The following MFN2 variants were observed in gnomAD, a reference collection of about 807,000 sequenced individuals.
MFN2 encodes mitofusin 2.
A neutral mutation model predicts 87.5 loss-of-function variants in MFN2; 43 were observed. The ratio of observed to expected loss-of-function variants is 0.49; its 90% CI spans 0.38 to 0.63. The LOEUF is 0.63. MFN2 is among the 30% of genes least tolerant of loss of function. MFN2 has a pLI of 0.00. For synonymous variants in MFN2, 337 were observed against 359.9 expected (o/e 0.94, Z 0.72); for missense variants, 743 against 972.8 (o/e 0.76, Z 3.14).
At chr1:12,009,881 C>T (rs532164253) in intron 18 of MFN2, among the ~76,000 whole-genome samples, 155 bp downstream of exon 18, 1 of 152,262 alleles carries the variant, frequency 6.6e-6, no homozygotes, top group South Asian at 2.1e-4. Context: ...GGGCTGGGCA[C>T]GGTGGCTGAC....
chr1:11,989,149 TTAGCTTC>T lies in MFN2; in HGVS notation c.-4-14_-4-8del. ...GTAGGTGTTGCTGGGTTCGCTCACG[TTAGCTTC>T]TCTTGCAGCGCAATGTCCCTGCTCT... On this transcript the variant is annotated splice_polypyrimidine_tract_variant and intron_variant, in intron 2 of 18. Transcript: ENST00000235329. 6.2e-7 allele frequency: 1 copy of T among 1,613,850 alleles called. No homozygotes were observed. The highest frequency in any genetic ancestry group is 8.5e-7 in the Non-Finnish European group (1 of 1,180,006).
At chr1:12,008,422 GACCCCCCCC>G (rs1639525035) in intron 17 of MFN2, among the ~76,000 whole-genome samples, 1 of 69,736 alleles carries the variant, frequency 1.4e-5, no homozygotes, top group Admixed American at 1.1e-4. Context: ...GGCGGGGGCT[GACCCCCCCC>G]ACCTCCCTCC....
intron 6 of MFN2, among the ~76,000 whole-genome samples, chr1:11,998,374 T>C (rs1423374072): frequency 2.0e-5 from 3 of 151,678 alleles, no homozygotes; most frequent in African/African-American, 4.8e-5. Flanking sequence ...GGTGAAACCC[T>C]GTCTCTACTA....
At chr1:12,010,193 T>C (rs1639631151) in intron 18 of MFN2, among the ~76,000 whole-genome samples, 1 of 152,196 alleles carries the variant, frequency 6.6e-6, no homozygotes, top group Admixed American at 6.5e-5. Flanking sequence ...ACGTACCTCA[T>C]GGATGCCAGA....
chr1:11,991,950 A>AAAAAAG (rs1202436105), intron 3 of MFN2, among the ~76,000 whole-genome samples: 1 of 142,664 alleles, frequency 7.0e-6, no homozygotes, highest in Non-Finnish European at 1.5e-5. Flanking sequence ...AAAAAAAAAA[A>AAAAAAG]AAGAAGTGAC....
At chr1:11,985,489 A>G (rs1638361364) in intron 2 of MFN2, among the ~76,000 whole-genome samples, 3 of 119,318 alleles carry the variant, frequency 2.5e-5, no homozygotes, top group African/African-American at 3.4e-5. Flanking sequence ...TTTTAAAGAG[A>G]GAGACTTCGC....
chr1:12,004,467 G>C lies in MFN2; in HGVS notation c.1288-42G>C. 6.4e-7 allele frequency: 1 copy of C among 1,553,014 alleles called. No individual in the cohort carries two copies. The highest frequency in any genetic ancestry group is 1.4e-5 in the African/African-American group (1 of 73,726). ...TCCTGGTGCTGCAGGAGTGAACTTT[G>C]GTCTTCCTTGATACTTAACAGTGTG... is the stretch of plus-strand genomic sequence containing the variant. On this transcript the variant is annotated intron_variant, in intron 12 of 18. Transcript: ENST00000235329. This position sits in a 1 kb window ranked among gnomAD's most constrained non-coding sequence, Gnocchi z 4.2.
At chr1:11,983,951 C>G (rs1638275729) in intron 2 of MFN2, among the ~76,000 whole-genome samples, 1 of 152,102 alleles carries the variant, frequency 6.6e-6, no homozygotes, top group African/African-American at 2.4e-5. Flanking sequence ...ATAAATCAGG[C>G]AGAGTTTGGA....
chr1:11,991,397 A>C (rs899464289), intron 3 of MFN2, among the ~76,000 whole-genome samples: 2 of 152,264 alleles, frequency 1.3e-5, no homozygotes, highest in Non-Finnish European at 2.9e-5. Context: ...TGGTCAGAGA[A>C]GGCTTCCTGG....
intron 17 of MFN2, among the ~76,000 whole-genome samples, chr1:12,008,322 T>C (rs192344739): frequency 0.082 from 11,460 of 139,578 alleles, 536 homozygotes; most frequent in East Asian, 0.14. Context: ...CCAGAAGGGG[T>C]GGTTGGGCAG....
At position 12,005,768 on chromosome 1, in the gene MFN2, C is replaced by T; in HGVS notation, c.1553C>T (p.Pro518Leu). The change falls in exon 15 of 19, where the codon CCA becomes CTA. Residue 518 changes from proline to leucine, a missense_variant. Physicochemically the swap from Pro to Leu is moderately conservative, Grantham distance 98. This residue lies in a region of MFN2 where 571 missense variants were observed against 670.7 expected (regional missense o/e 0.85). Coordinates refer to ENST00000235329, the MANE Select transcript of MFN2 (RefSeq NM_014874.4). Reference protein sequence around the residue: ...SVRSQIDMLVPRQCFSLNYDL... With the variant: ...SVRSQIDMLVLRQCFSLNYDL... Reference sequence around the variant, plus strand: ...CGGAGTCAGATAGACATGCTGGTCCCACGCCAGTGCTTCTCCCTCAACTAT... The same window carrying T: ...CGGAGTCAGATAGACATGCTGGTCCTACGCCAGTGCTTCTCCCTCAACTAT... 1 of 1,614,216 alleles carries T rather than the reference C, an allele frequency of 6.2e-7. No individual in the cohort carries two copies. Among genetic ancestry groups the T allele is most frequent in the Non-Finnish European group, 8.5e-7 (1 of 1,180,038 alleles).
intron 6 of MFN2, 129 bp downstream of exon 6, chr1:11,997,550 C>A: frequency 7.7e-7 from 1 of 1,294,588 alleles, no homozygotes; most frequent in Non-Finnish European, 1.1e-6. Context: ...TTCAGATGGG[C>A]TCAACCAAAT....
At chr1:11,993,690 C>T (rs991738114) in intron 4 of MFN2, among the ~76,000 whole-genome samples, 2 of 148,246 alleles carry the variant, frequency 1.3e-5, no homozygotes, top group South Asian at 2.1e-4. Context: ...GAGCCGAGAT[C>T]GGGCCACTGC....
chr1:12,006,032 C>G lies in MFN2; in HGVS notation c.1716+101C>G, dbSNP rs530806884. The G allele has an allele frequency of 5.3e-6, 6 of 1,132,114 alleles. No homozygotes were observed. The Admixed American group carries it at 9.3e-5, about 18-fold the overall frequency. 70.1% of individuals were successfully genotyped at this position (1,132,114 alleles called of 1,614,324 possible). A position where few individuals can be genotyped will look rare whatever the true frequency, so the allele number is the denominator to read the frequency against. ...TAAAACGGGGGTTCCCTAAGGTCAG[C>G]AGCTGTGGTGGTGTGCCCCACCACA... On this transcript the variant is annotated intron_variant, in intron 15 of 18. Transcript: ENST00000235329.
chr1:11,994,880 A>G (rs541432867), intron 4 of MFN2, among the ~76,000 whole-genome samples: 36 of 152,232 alleles, frequency 2.4e-4, no homozygotes, highest in African/African-American at 8.2e-4. Context: ...AATGAGAAAC[A>G]CTGTGTTTAG....
rs1489245400 is a variant in MFN2, at chr1:12,005,941, G to C, written c.1716+10G>C. ...GGGCTACAATGACCAGGCAAGCAAA[G>C]TTCCTCACCTCAAGGGCATTGTGGG... On this transcript the variant is annotated intron_variant, in intron 15 of 18. Coordinates refer to ENST00000235329, the MANE Select transcript of MFN2 (RefSeq NM_014874.4). The C allele has an allele frequency of 6.2e-7, 1 of 1,612,428 alleles. No homozygotes were observed. Among genetic ancestry groups the C allele is most frequent in the Admixed American group, 1.7e-5 (1 of 60,000 alleles).
At chr1:12,000,033 C>G (rs1241740733) in intron 8 of MFN2, among the ~76,000 whole-genome samples, 1 of 150,998 alleles carries the variant, frequency 6.6e-6, no homozygotes, top group Non-Finnish European at 1.5e-5. Flanking sequence ...GGAGGTGGAG[C>G]TTGCAGTGAG....
chr1:11,994,270 C>T (rs1018711344), intron 4 of MFN2, among the ~76,000 whole-genome samples: 1 of 152,174 alleles, frequency 6.6e-6, no homozygotes, highest in African/African-American at 2.4e-5. Context: ...CACAATGTAC[C>T]TAAAGTACTA....
At chr1:11,999,301 C>G (rs1420966648) in intron 8 of MFN2, among the ~76,000 whole-genome samples, 2 of 152,188 alleles carry the variant, frequency 1.3e-5, no homozygotes, top group Non-Finnish European at 2.9e-5. Context: ...CTCTTCAAGC[C>G]ACTCTCCCCT....
Sources: allele counts gnomAD v4.1 joint callset (sites outside exome capture counted in the v4.1 genomes callset), GRCh38; gene constraint gnomAD v4.1.1; regional missense constraint gnomAD v4.1.1; non-coding constraint Gnocchi (gnomAD v3.1); transcripts MANE v1.5; gene names NCBI Gene and HGNC (gene_info 2026-07-23, HGNC 2026-07-21).